The following PVT1 variants were observed in gnomAD, a reference collection of about 807,000 sequenced individuals.
PVT1 encodes Pvt1 oncogene.
chr8:128,060,076 G>A (rs960433458), intron 4 of PVT1, among the ~76,000 whole-genome samples: 4 of 152,166 alleles, frequency 2.6e-5, no homozygotes, highest in South Asian at 2.1e-4. Context: ...CTAACATGGT[G>A]AAACCCCGTC....
intron 2 of PVT1, among the ~76,000 whole-genome samples, chr8:127,885,270 C>T (rs922229469): frequency 1.3e-5 from 2 of 152,098 alleles, no homozygotes; most frequent in Admixed American, 6.5e-5. Context: ...ATGATAGATC[C>T]GTCAAGCTCT....
At chr8:127,825,500 G>A (rs1691995582) in intron 2 of PVT1, among the ~76,000 whole-genome samples, 3 of 152,172 alleles carry the variant, frequency 2.0e-5, no homozygotes, top group Admixed American at 2.0e-4. Flanking sequence ...GATTTAAATA[G>A]CACAGTTTGC....
intron 3 of PVT1, chr8:127,984,095 TC>T (rs1194637946): frequency 6.6e-6 from 1 of 151,688 alleles, no homozygotes; most frequent in African/African-American, 2.4e-5. Flanking sequence ...GCCAGGTTGG[TC>T]TCGAACTCCT....
intron 3 of PVT1, among the ~76,000 whole-genome samples, chr8:127,955,864 G>T (rs1042860699): frequency 1.3e-5 from 2 of 152,128 alleles, no homozygotes; most frequent in Non-Finnish European, 2.9e-5. Context: ...GGTTACAGGC[G>T]TGAACCACCA....
chr8:128,075,155 G>T (rs1291637157), intron 5 of PVT1, among the ~76,000 whole-genome samples: 1 of 151,968 alleles, frequency 6.6e-6, no homozygotes, highest in African/African-American at 2.4e-5. Flanking sequence ...AAGATGGCAG[G>T]CCTTGGCAGA....
chr8:128,007,610 C>T (rs559807246), intron 4 of PVT1, among the ~76,000 whole-genome samples: 5 of 152,160 alleles, frequency 3.3e-5, no homozygotes, highest in Non-Finnish European at 5.9e-5. Context: ...GGGAGAAATT[C>T]TGTGAAGGGT....
intron 4 of PVT1, among the ~76,000 whole-genome samples, chr8:128,006,744 A>G (rs1353159658): frequency 1.3e-5 from 2 of 152,238 alleles, no homozygotes; most frequent in African/African-American, 2.4e-5. Flanking sequence ...TTTTTTAAAA[A>G]TCAGTCTGGA....
chr8:127,964,696 A>G (rs999948101), intron 3 of PVT1, among the ~76,000 whole-genome samples: 1 of 152,176 alleles, frequency 6.6e-6, no homozygotes, highest in Non-Finnish European at 1.5e-5. Context: ...GGCTTGTGGC[A>G]GAATCATTCC....
chr8:127,801,357 T>A (rs1270176618), intron 2 of PVT1, among the ~76,000 whole-genome samples: 1 of 152,128 alleles, frequency 6.6e-6, no homozygotes, highest in East Asian at 1.9e-4. Context: ...TCCTTACACC[T>A]CAGCCTCCTG....
At chr8:127,926,720 G>A (rs1033149806) in intron 3 of PVT1, among the ~76,000 whole-genome samples, 2 of 152,182 alleles carry the variant, frequency 1.3e-5, no homozygotes, top group Non-Finnish European at 2.9e-5. Context: ...CTGTCCCCGG[G>A]TGCCCACCCT....
chr8:127,928,963 C>T (rs1359961395), intron 3 of PVT1, among the ~76,000 whole-genome samples: 1 of 152,184 alleles, frequency 6.6e-6, no homozygotes, highest in Admixed American at 6.5e-5. Flanking sequence ...TTTACTGTTG[C>T]TTTTGCACTT....
At chr8:128,100,104 TC>T in intron 6 of PVT1, among the ~76,000 whole-genome samples, 1 of 122,092 alleles carries the variant, frequency 8.2e-6, no homozygotes, top group Non-Finnish European at 1.7e-5. Flanking sequence ...CTTCCCTCCC[TC>T]CCTCCCAACC....
intron 3 of PVT1, chr8:127,960,800 G>A: frequency 3.1e-5 from 10 of 326,062 alleles, no homozygotes; most frequent in Non-Finnish European, 3.8e-5. Flanking sequence ...AAAACATAGG[G>A]TATTTCTCAT....
At chr8:127,850,618 G>A (rs1815097156) in intron 2 of PVT1, among the ~76,000 whole-genome samples, 1 of 152,164 alleles carries the variant, frequency 6.6e-6, no homozygotes, top group African/African-American at 2.4e-5. Context: ...TCTGCACATG[G>A]GATTAAACAA....
chr8:128,059,041 G>C (rs144282325), intron 4 of PVT1, among the ~76,000 whole-genome samples: 57 of 152,098 alleles, frequency 3.7e-4, no homozygotes, highest in African/African-American at 1.3e-3. Flanking sequence ...ATCATGATTT[G>C]TCTTGTTTGG....
chr8:127,919,575 C>T lies in PVT1; in HGVS notation n.782+28577C>T, dbSNP rs113055355. Among the ~76,000 whole-genome samples the T allele has an allele frequency of 5.6e-3, 858 of 152,316 alleles. 7 individuals carry two copies. Among genetic ancestry groups the T allele is most frequent in the African/African-American group, 0.019 (781 of 41,574 alleles). Reference sequence around the variant, plus strand: ...GCAGTCACCATCCTGCTACCCACTCCGGCTCTATTGGCGACTGTGGCATAG... The same window carrying T: ...GCAGTCACCATCCTGCTACCCACTCTGGCTCTATTGGCGACTGTGGCATAG... On this transcript the variant is annotated intron_variant and non_coding_transcript_variant, in intron 3 of 10. Transcript: ENST00000651587.
intron 3 of PVT1, among the ~76,000 whole-genome samples, chr8:127,986,899 G>A (rs1441894679): frequency 3.9e-5 from 6 of 152,084 alleles, no homozygotes; most frequent in Non-Finnish European, 7.4e-5. Flanking sequence ...TTTTCTGCAG[G>A]AGCCAACGTG....
intron 2 of PVT1, among the ~76,000 whole-genome samples, chr8:127,813,391 T>G (rs1417383491): frequency 6.6e-6 from 1 of 151,898 alleles, no homozygotes; most frequent in African/African-American, 2.4e-5. Flanking sequence ...CTTCTCCTGC[T>G]CTCTGGCTCT....
chr8:127,849,971 C>T lies in PVT1; in HGVS notation n.373-40618C>T, dbSNP rs13279314. 5.6e-5 allele frequency among the ~76,000 whole-genome samples: 4 copies of T among 71,666 alleles called. 1 individual carries two copies. The African/African-American group carries it at 8.2e-4, about 15-fold the overall frequency. The allele number at this position is 71,666 out of a possible 152,430, so 47.0% of individuals were successfully genotyped here. A position where few individuals can be genotyped will look rare whatever the true frequency, so the allele number is the denominator to read the frequency against. ...ATATGTGTGTGTGTGCTCCTGCGTGCACGTGCGTGGGTGCACAGCCTGTAC... is the reference window on the plus strand; with the variant it reads ...ATATGTGTGTGTGTGCTCCTGCGTGTACGTGCGTGGGTGCACAGCCTGTAC... On this transcript the variant is annotated intron_variant and non_coding_transcript_variant, in intron 2 of 10. Transcript: ENST00000651587.
Sources: allele counts gnomAD v4.1 joint callset (sites outside exome capture counted in the v4.1 genomes callset), GRCh38; gene constraint gnomAD v4.1.1; transcripts MANE v1.5; gene names NCBI Gene and HGNC (gene_info 2026-07-23, HGNC 2026-07-21).